CDS2: variants seen among roughly 807,000 people sequenced by gnomAD.
CDS2 encodes CDP-diacylglycerol synthase 2, also known as phosphatidate cytidylyltransferase 2.
Under a neutral mutation model 59.0 loss-of-function variants are expected in CDS2, and 47 were observed. The observed-to-expected ratio is 0.80, with a 90% confidence interval of 0.63 to 1.02. CDS2 has a LOEUF of 1.02. CDS2 is among the 50% of genes least tolerant of loss of function. The pLI, the probability that CDS2 is intolerant of heterozygous loss-of-function variation, is 0.00. For missense variants in CDS2, 356 were observed against 558.9 expected, an observed-to-expected ratio of 0.64 and a Z score of 3.66; for synonymous variants, 207 against 206.4, an observed-to-expected ratio of 1.00 and a Z score of -0.02.
intron 1 of CDS2, 59 bp downstream of exon 1, chr20:5,127,208 G>A: frequency 7.2e-7 from 1 of 1,381,014 alleles, no homozygotes; most frequent in Non-Finnish European, 9.6e-7. Context: ...GAGGCCTGCG[G>A]GGGACGCGCG....
intron 5 of CDS2, among the ~76,000 whole-genome samples, chr20:5,181,983 T>C (rs544423006): frequency 6.6e-6 from 1 of 152,348 alleles, no homozygotes; most frequent in African/African-American, 2.4e-5. Flanking sequence ...CTGTACTCAG[T>C]TCTGCTGAGT....
chr20:5,130,183 C>T (rs1223397121), intron 1 of CDS2, among the ~76,000 whole-genome samples: 2 of 151,838 alleles, frequency 1.3e-5, no homozygotes, highest in African/African-American at 4.8e-5. Flanking sequence ...CCATGTTGGC[C>T]AGGTTGGTCT....
Position 5,184,983 on chromosome 20 carries a change from G to A in CDS2, c.759+38G>A, listed in dbSNP as rs781413715. 2.1e-6 allele frequency: 3 copies of A among 1,431,528 alleles called. No individual in the cohort carries two copies. Among genetic ancestry groups the A allele is most frequent in the East Asian group, 4.5e-5 (2 of 43,982 alleles). 88.7% of individuals were successfully genotyped at this position (1,431,528 alleles called of 1,614,324 possible). ...CCCTAATGTGAAATACCACTGTGAGGGGAGGGTGGTGCTCTCAATGTGAGT... is the reference window on the plus strand; with the variant it reads ...CCCTAATGTGAAATACCACTGTGAGAGGAGGGTGGTGCTCTCAATGTGAGT... On this transcript the variant is annotated intron_variant, in intron 8 of 12. Transcript: ENST00000460006. The surrounding 1 kb of genome is among the most constrained non-coding windows in gnomAD (Gnocchi z 4.3).
intron 1 of CDS2, among the ~76,000 whole-genome samples, chr20:5,143,611 TTTCTTCTTCTTC>T (rs573730329): frequency 6.6e-6 from 1 of 150,834 alleles, no homozygotes; most frequent in African/African-American, 2.4e-5. Context: ...TCTTTTTCTT[TTTCTTCTTCTTC>T]TTCTTCTTTT....
At chr20:5,171,770 T>C (rs1362715068) in intron 1 of CDS2, among the ~76,000 whole-genome samples, 2 of 152,132 alleles carry the variant, frequency 1.3e-5, no homozygotes, top group South Asian at 2.1e-4. Context: ...TTATATAAGG[T>C]GAAGACGCCA....
intron 1 of CDS2, among the ~76,000 whole-genome samples, chr20:5,138,595 C>G (rs940123122): frequency 2.0e-5 from 3 of 151,750 alleles, no homozygotes; most frequent in Admixed American, 6.6e-5. Context: ...AAGCCATTCT[C>G]CTGCCTCAGC....
intron 2 of CDS2, among the ~76,000 whole-genome samples, chr20:5,174,916 G>T (rs1307931343): frequency 3.3e-5 from 5 of 152,088 alleles, no homozygotes; most frequent in South Asian, 2.1e-4. Flanking sequence ...ATTTCCCTTG[G>T]TTTTTTTGTT....
chr20:5,129,954 AC>A (rs2122936857), intron 1 of CDS2, among the ~76,000 whole-genome samples: 1 of 151,492 alleles, frequency 6.6e-6, no homozygotes, highest in Non-Finnish European at 1.5e-5. Flanking sequence ...TATATAGTAA[AC>A]TTTTGTTTGT....
At position 5,191,284 on chromosome 20, in the gene CDS2, A is replaced by G. The variant is rs1259724964; in HGVS notation, c.*1050A>G. ...ACAAAGTCCTGCTTAAAACTATGGA[A>G]AACCTAACCTGATTAGAGCCTTGAC... is the stretch of plus-strand genomic sequence containing the variant. On this transcript the variant is annotated 3_prime_UTR_variant, in exon 13 of 13. Transcript: ENST00000460006. 1.3e-5 allele frequency: 2 copies of G among 152,354 alleles called. No individual in the cohort carries two copies. Among genetic ancestry groups the G allele is most frequent in the Admixed American group, 1.3e-4 (2 of 15,288 alleles). The allele number at this position is 152,354 out of a possible 1,614,324, so 9.4% of individuals were successfully genotyped here.
chr20:5,185,737 G>C, intron 8 of CDS2, 21 bp from the exon 9 acceptor site: 1 of 1,612,534 alleles, frequency 6.2e-7, no homozygotes, highest in Non-Finnish European at 8.5e-7. Flanking sequence ...CCTTTGCTGA[G>C]AACTTGCTCT....
chr20:5,127,272 G>A, intron 1 of CDS2, 123 bp downstream of exon 1: 1 of 916,956 alleles, frequency 1.1e-6, no homozygotes, highest in Non-Finnish European at 1.5e-6. Context: ...GCGGCCCCGG[G>A]CCCGGGTAGC....
At chr20:5,139,311 G>A (rs973754381) in intron 1 of CDS2, among the ~76,000 whole-genome samples, 3 of 152,170 alleles carry the variant, frequency 2.0e-5, no homozygotes, top group Non-Finnish European at 4.4e-5. Context: ...TAAGTGAGCC[G>A]AGATCATGCC....
chr20:5,160,407 G>A (rs1703293826), intron 1 of CDS2, among the ~76,000 whole-genome samples: 1 of 152,128 alleles, frequency 6.6e-6, no homozygotes. Flanking sequence ...ACAGTAGTAG[G>A]GGAACCAGAG....
intron 11 of CDS2, among the ~76,000 whole-genome samples, chr20:5,189,506 C>G (rs1014601007): frequency 6.6e-6 from 1 of 152,152 alleles, no homozygotes; most frequent in African/African-American, 2.4e-5. Context: ...AGAAAGTAGC[C>G]TGAGCAACAT....
At chr20:5,156,943 G>C (rs2090838523) in intron 1 of CDS2, among the ~76,000 whole-genome samples, 1 of 152,184 alleles carries the variant, frequency 6.6e-6, no homozygotes, top group Non-Finnish European at 1.5e-5. Flanking sequence ...CTGTGGTCAA[G>C]GGAGCACAGT....
At chr20:5,141,543 C>G (rs182726592) in intron 1 of CDS2, among the ~76,000 whole-genome samples, 9 of 152,248 alleles carry the variant, frequency 5.9e-5, no homozygotes, top group Middle Eastern at 3.4e-3. Context: ...AGACCTCTCC[C>G]TATATATCTC....
At chr20:5,129,164 C>T (rs1030501499) in intron 1 of CDS2, among the ~76,000 whole-genome samples, 1 of 152,184 alleles carries the variant, frequency 6.6e-6, no homozygotes, top group Non-Finnish European at 1.5e-5. Flanking sequence ...TAAAAGACAG[C>T]TGCTATGCAC....
Position 5,190,586 on chromosome 20 carries a change from T to C in CDS2, c.*352T>C, listed in dbSNP as rs971822292. On this transcript the variant is annotated 3_prime_UTR_variant, in exon 13 of 13. Coordinates refer to ENST00000460006, the MANE Select transcript of CDS2 (RefSeq NM_003818.4). ...CCCATCAATTGAACTGTTTCTGGGC[T>C]CAGTCAGACACAGACATTCATCTGT... is the stretch of plus-strand genomic sequence containing the variant. 6.1e-5 allele frequency: 10 copies of C among 163,662 alleles called. No individual in the cohort carries two copies. The highest frequency in any genetic ancestry group is 1.3e-4 in the Non-Finnish European group (10 of 75,502). 10.1% of individuals were successfully genotyped at this position (163,662 alleles called of 1,614,324 possible).
intron 1 of CDS2, among the ~76,000 whole-genome samples, chr20:5,169,815 C>T (rs765426372): frequency 3.9e-5 from 6 of 152,198 alleles, no homozygotes; most frequent in Admixed American, 6.5e-5. Context: ...CACCACCTTA[C>T]ACAGTTTTGA....
Sources: gnomAD v4.1 joint callset for allele counts (sites outside exome capture counted in the v4.1 genomes callset) on GRCh38, gnomAD v4.1.1 for gene constraint, Gnocchi (gnomAD v3.1) non-coding constraint, MANE v1.5 for transcripts, NCBI Gene and HGNC (gene_info 2026-07-23, HGNC 2026-07-21) for gene names.